EYS: variants seen among roughly 807,000 people sequenced by gnomAD.
EYS encodes EGF-like photoreceptor maintenance factor, also known as protein eyes shut homolog.
A neutral mutation model predicts 282.1 loss-of-function variants in EYS; 250 were observed. The ratio of observed to expected loss-of-function variants is 0.89; its 90% CI spans 0.80 to 0.98. The LOEUF (loss-of-function observed/expected upper bound fraction) is 0.98, where lower values mean the gene tolerates loss of function less well. Ranked by LOEUF, EYS falls within the 50% of genes least tolerant of loss-of-function variation. The probability of loss-of-function intolerance (pLI) is 0.00; values close to 1 mark genes in which losing one functional copy is unlikely to be tolerated. For missense variants in EYS, 4,016 were observed against 3,709.0 expected (o/e 1.08, Z -2.15); for synonymous variants, 1,355 against 1,282.9 (o/e 1.06, Z -1.20).
chr6:64,119,846 A>C (rs938348955), intron 31 of EYS, among the ~76,000 whole-genome samples: 4 of 152,162 alleles, frequency 2.6e-5, no homozygotes, highest in Non-Finnish European at 5.9e-5. Context: ...AGTGCACCTT[A>C]TTTTCCATGG....
intron 12 of EYS, among the ~76,000 whole-genome samples, chr6:65,146,611 T>C (rs1764482530): frequency 6.6e-6 from 1 of 152,000 alleles, no homozygotes; most frequent in African/African-American, 2.4e-5. Flanking sequence ...CTTTAATTAT[T>C]ATCCTAGTGT....
intron 26 of EYS, among the ~76,000 whole-genome samples, chr6:64,501,087 GT>G (rs545330107): frequency 5.5e-4 from 77 of 140,668 alleles, no homozygotes; most frequent in Non-Finnish European, 9.9e-4. Flanking sequence ...AAATTCTAGG[GT>G]TTTTTTTTAA....
At chr6:64,795,643 A>C (rs1174333206) in intron 22 of EYS, among the ~76,000 whole-genome samples, 1 of 152,166 alleles carries the variant, frequency 6.6e-6, no homozygotes, top group Admixed American at 6.5e-5. Flanking sequence ...ACATAGGTGA[A>C]ATACCTGGAA....
chr6:65,189,422 A>G (rs1178740871), intron 12 of EYS, among the ~76,000 whole-genome samples: 2 of 151,790 alleles, frequency 1.3e-5, no homozygotes, highest in African/African-American at 4.8e-5. Context: ...CAGCACATGT[A>G]TCACTCTATG....
At chr6:64,789,026 C>T (rs1774103584) in intron 22 of EYS, among the ~76,000 whole-genome samples, 1 of 152,074 alleles carries the variant, frequency 6.6e-6, no homozygotes, top group Admixed American at 6.6e-5. Context: ...ACAACTTATT[C>T]AATTCAAACA....
intron 2 of EYS, among the ~76,000 whole-genome samples, chr6:65,548,851 G>A (rs1768492117): frequency 6.6e-6 from 1 of 152,184 alleles, no homozygotes; most frequent in Non-Finnish European, 1.5e-5. Context: ...TATGCCTGAG[G>A]AAGGAGGTGT....
intron 33 of EYS, among the ~76,000 whole-genome samples, chr6:64,044,260 A>G (rs900140169): frequency 6.6e-6 from 1 of 152,238 alleles, no homozygotes; most frequent in African/African-American, 2.4e-5. Flanking sequence ...TTTGTTTCAA[A>G]ATAATTCCAT....
chr6:65,531,983 G>A (rs1021834683), intron 2 of EYS, among the ~76,000 whole-genome samples: 1 of 151,786 alleles, frequency 6.6e-6, no homozygotes, highest in Non-Finnish European at 1.5e-5. Flanking sequence ...TGTGTGATGT[G>A]GATAATATAC....
In EYS at chr6:65,085,831, T is replaced by C. The variant is rs115168570; in HGVS notation, c.2024-28104A>G. On this transcript the variant is annotated intron_variant, in intron 12 of 42. Coordinates refer to ENST00000503581, the MANE Select transcript of EYS (RefSeq NM_001142800.2). ...TAGTTTATTTTTCTTTTGCTATGTC[T>C]GCCTTTGCTCTTGCTTCTTTCTCCA... is the stretch of plus-strand genomic sequence containing the variant. Among the ~76,000 whole-genome samples the C allele has an allele frequency of 3.7e-3, 557 of 152,242 alleles. 7 individuals carry two copies. Among genetic ancestry groups the C allele is most frequent in the African/African-American group, 0.013 (533 of 41,564 alleles).
At chr6:64,823,652 G>A (rs1764964612) in intron 19 of EYS, among the ~76,000 whole-genome samples, 1 of 151,912 alleles carries the variant, frequency 6.6e-6, no homozygotes, top group Non-Finnish European at 1.5e-5. Context: ...CATTATCTTA[G>A]CTAATGCTCA....
At chr6:64,546,197 G>C (rs1043765831) in intron 26 of EYS, among the ~76,000 whole-genome samples, 11 of 152,116 alleles carry the variant, frequency 7.2e-5, no homozygotes, top group Admixed American at 5.2e-4. Flanking sequence ...GAACAGAACA[G>C]AGCCCTCAGA....
chr6:64,995,139 G>T (rs1228751767), intron 14 of EYS, among the ~76,000 whole-genome samples: 1 of 152,104 alleles, frequency 6.6e-6, no homozygotes, highest in Admixed American at 6.6e-5. Context: ...GATTAGCTAA[G>T]GTCAGTTATG....
chr6:64,948,814 C>T (rs910542701), intron 14 of EYS, among the ~76,000 whole-genome samples: 63 of 151,746 alleles, frequency 4.2e-4, no homozygotes, highest in African/African-American at 1.5e-3. Flanking sequence ...AGACATTACT[C>T]TTCCTACTAA....
chr6:64,703,726 C>T lies in EYS; in HGVS notation c.3444-77481G>A, dbSNP rs1047607484. Among the ~76,000 whole-genome samples the T allele has an allele frequency of 3.3e-5, 5 of 151,956 alleles. No homozygotes were observed. In the East Asian group the frequency reaches 9.7e-4, roughly 30 times the overall value. Reference sequence around the variant, plus strand: ...TGCATTTAAATATATAATCTCACCACGCAAACTGTGGTAATTGTTATTACA... The same window carrying T: ...TGCATTTAAATATATAATCTCACCATGCAAACTGTGGTAATTGTTATTACA... On this transcript the variant is annotated intron_variant, in intron 22 of 42. Transcript: ENST00000503581.
intron 14 of EYS, among the ~76,000 whole-genome samples, chr6:64,970,147 C>CAA (rs201796344): frequency 7.2e-6 from 1 of 138,404 alleles, no homozygotes; most frequent in Non-Finnish European, 1.6e-5. Context: ...CCTAGAAATA[C>CAA]AAAAAAAAAA....
chr6:64,808,478 A>G (rs1764502402), intron 22 of EYS, among the ~76,000 whole-genome samples: 1 of 152,122 alleles, frequency 6.6e-6, no homozygotes, highest in African/African-American at 2.4e-5. Context: ...AAAGGAGTCC[A>G]TATATAAATC....
chr6:63,933,205 T>G lies in EYS; in HGVS notation c.7055+51178A>C, dbSNP rs1017593573. ...AGCCCTCTGAATCCTGTTCTTTTGG[T>G]TTTTTTTAAACATTTATTTTTATTT... On this transcript the variant is annotated intron_variant, in intron 35 of 42. Transcript: ENST00000503581. 1.3e-4 allele frequency among the ~76,000 whole-genome samples: 20 copies of G among 152,000 alleles called. No homozygotes were observed. In the East Asian group the frequency reaches 1.4e-3, roughly 10 times the overall value.
chr6:65,062,361 T>G (rs1773602421), intron 12 of EYS, among the ~76,000 whole-genome samples: 1 of 151,940 alleles, frequency 6.6e-6, no homozygotes, highest in African/African-American at 2.4e-5. Context: ...TGTCTAAAAA[T>G]GTACCAAACC....
Position 65,050,611 on chromosome 6 carries a change from G to C in EYS, c.2137+7003C>G, listed in dbSNP as rs192665541. Among the ~76,000 whole-genome samples the C allele has an allele frequency of 8.6e-5, 13 of 151,582 alleles. No individual in the cohort carries two copies. In the East Asian group the frequency reaches 2.3e-3, roughly 27 times the overall value. ...TAGAGATGGTTGTTTGGGTAGCCCA[G>C]CCAAAATATTTTATACTCCAAGAAT... On this transcript the variant is annotated intron_variant, in intron 13 of 42. Coordinates refer to ENST00000503581, the MANE Select transcript of EYS (RefSeq NM_001142800.2).
Sources: allele counts gnomAD v4.1 joint callset (sites outside exome capture counted in the v4.1 genomes callset), GRCh38; gene constraint gnomAD v4.1.1; transcripts MANE v1.5; gene names NCBI Gene and HGNC (gene_info 2026-07-23, HGNC 2026-07-21).